The following COL4A5 variants were observed in gnomAD, a reference collection of about 807,000 sequenced individuals.
COL4A5 encodes collagen type IV alpha 5 chain, also known as collagen alpha-5(IV) chain.
COL4A5 carries 26 observed loss-of-function variants against 130.2 expected under a neutral mutation model. That is an observed-to-expected ratio of 0.20 (90% CI 0.15 to 0.28). The LOEUF is 0.28. COL4A5 is among the 10% of genes least tolerant of loss of function. COL4A5 has a pLI of 1.00. For missense variants in COL4A5, 1,131 were observed against 1,344.3 expected (o/e 0.84, Z 2.48); for synonymous variants, 496 against 439.6 (o/e 1.13, Z -1.60).
intron 1 of COL4A5, among the ~76,000 whole-genome samples, chrX:108,509,183 A>G (rs1361398525): frequency 8.9e-6 from 1 of 112,407 alleles, no homozygotes; most frequent in Non-Finnish European, 1.9e-5. Context: ...ACAATGGTCT[A>G]ATATCCAGCA....
At chrX:108,537,006 TAAAAA>T in intron 1 of COL4A5, among the ~76,000 whole-genome samples, 1 of 111,490 alleles carries the variant, frequency 9.0e-6, no homozygotes, top group East Asian at 2.8e-4. Context: ...CCTAGTTACT[TAAAAA>T]AACAAAAAAC....
At chrX:108,540,720 G>A (rs1373705717) in intron 2 of COL4A5, among the ~76,000 whole-genome samples, 2 of 112,212 alleles carry the variant, frequency 1.8e-5, no homozygotes, top group Non-Finnish European at 3.8e-5. Flanking sequence ...GATTCCAGGA[G>A]TGAGCCACCA....
At chrX:108,540,871 A>G (rs754772513) in intron 2 of COL4A5, among the ~76,000 whole-genome samples, 3 of 112,632 alleles carry the variant, frequency 2.7e-5, no homozygotes, top group Non-Finnish European at 5.6e-5. Flanking sequence ...CATTAATATT[A>G]TCAAATATAA....
chrX:108,610,946 G>A (rs2066822885), intron 29 of COL4A5, among the ~76,000 whole-genome samples: 1 of 111,358 alleles, frequency 9.0e-6, no homozygotes, highest in South Asian at 3.8e-4. Flanking sequence ...TCTACTGTGA[G>A]AAAATCTAGG....
At chrX:108,557,204 T>A (rs1268168743) in intron 2 of COL4A5, among the ~76,000 whole-genome samples, 1 of 111,331 alleles carries the variant, frequency 9.0e-6, no homozygotes, top group Non-Finnish European at 1.9e-5. Flanking sequence ...AGATTTTTTT[T>A]CCTTTGTGCT....
Position 108,620,377 on chromosome X carries a change from TC to T in COL4A5, c.2630del (p.Pro877GlnfsTer24). ...IPGAPGPIGP[P>X]GSPGLPGKAG... is the part of the protein sequence containing the mutation. Reference sequence around the variant, plus strand: ...CCGGAGCACCTGGTCCTATAGGACCTCCAGGATCACCAGGGCTTCCAGGAAA... The same window carrying T: ...CCGGAGCACCTGGTCCTATAGGACCTCAGGATCACCAGGGCTTCCAGGAAA... On this transcript the variant is annotated frameshift_variant, in exon 31 of 53. Transcript: ENST00000328300. LOFTEE classifies it high-confidence loss of function. The T allele has an allele frequency of 8.3e-7, 1 of 1,209,424 alleles. No individual in the cohort carries two copies. The highest frequency in any genetic ancestry group is 1.1e-6 in the Non-Finnish European group (1 of 893,730).
chrX:108,658,375 A>G (rs1474727125), intron 37 of COL4A5, among the ~76,000 whole-genome samples: 3 of 110,906 alleles, frequency 2.7e-5, no homozygotes, highest in Non-Finnish European at 5.7e-5. Context: ...AAAATTATAC[A>G]TGGCCATGAG....
chrX:108,663,451 AT>A (rs767551253), intron 37 of COL4A5, among the ~76,000 whole-genome samples: 1 of 112,089 alleles, frequency 8.9e-6, no homozygotes, highest in South Asian at 3.7e-4. Flanking sequence ...TTTGGAAGCC[AT>A]TATCCTTAGT....
intron 2 of COL4A5, among the ~76,000 whole-genome samples, chrX:108,550,781 A>G (rs1419433947): frequency 1.8e-5 from 2 of 112,067 alleles, no homozygotes; most frequent in Non-Finnish European, 3.8e-5. Flanking sequence ...AAATGTTATG[A>G]CATATGCTAA....
At position 108,595,680 on chromosome X, in the gene COL4A5, GTTTCTCA is replaced by G. The variant is rs1035998696; in HGVS notation, c.1516+83_1516+89del. On this transcript the variant is annotated intron_variant, in intron 22 of 52. Coordinates refer to ENST00000328300, the MANE Select transcript of COL4A5 (RefSeq NM_033380.3). Reference sequence around the variant, plus strand: ...AGCTTATACTTTTAGAATGTTACCAGTTTCTCATTTTATAACTAGTCACTCATATCTA... The same window carrying G: ...AGCTTATACTTTTAGAATGTTACCAGTTTTATAACTAGTCACTCATATCTA... 6.0e-5 allele frequency: 51 copies of G among 844,591 alleles called. No individual in the cohort carries two copies. In the African/African-American group the frequency reaches 1.0e-3, roughly 17 times the overall value. 69.6% of individuals were successfully genotyped at this position (844,591 alleles called of 1,213,427 possible). A position where few individuals can be genotyped will look rare whatever the true frequency, so the allele number is the denominator to read the frequency against.
At chrX:108,550,239 C>T (rs1327114781) in intron 2 of COL4A5, among the ~76,000 whole-genome samples, 2 of 111,602 alleles carry the variant, frequency 1.8e-5, no homozygotes, top group Non-Finnish European at 3.8e-5. Flanking sequence ...CAGAAAACGA[C>T]AGACTAGTAT....
chrX:108,569,810 G>T (rs1430484781), intron 6 of COL4A5, among the ~76,000 whole-genome samples: 1 of 110,390 alleles, frequency 9.1e-6, no homozygotes, highest in Non-Finnish European at 1.9e-5. Flanking sequence ...CTCCTGAGCA[G>T]CTGGGATTAC....
At chrX:108,687,460 A>G (rs1239561742) in intron 48 of COL4A5, 22 bp from the exon 49 acceptor site, 1 of 1,174,461 alleles carries the variant, frequency 8.5e-7, no homozygotes, top group African/African-American at 1.8e-5. Context: ...AATCTTGTAT[A>G]CTGATTATTT....
At chrX:108,487,320 A>G (rs1218541024) in intron 1 of COL4A5, among the ~76,000 whole-genome samples, 4 of 104,578 alleles carry the variant, frequency 3.8e-5, no homozygotes, top group African/African-American at 1.4e-4. Flanking sequence ...AACCCGGGAG[A>G]TGGAGGTTGC....
chrX:108,655,695 G>A (rs750651173), intron 37 of COL4A5, among the ~76,000 whole-genome samples: 2 of 112,720 alleles, frequency 1.8e-5, no homozygotes, highest in East Asian at 5.6e-4. Flanking sequence ...AGACTGTTTG[G>A]TGGAGCATTT....
intron 26 of COL4A5, 68 bp from the exon 27 acceptor site, chrX:108,601,817 A>G: frequency 4.6e-6 from 3 of 650,801 alleles, no homozygotes; most frequent in Non-Finnish European, 7.4e-6. Context: ...AGAGTGAGCC[A>G]CTGCACCTGG....
rs1346176632 is a variant in COL4A5 at position 108,627,956 on chromosome X, A to G, written c.3246+1607A>G. 9.9e-5 allele frequency among the ~76,000 whole-genome samples: 11 copies of G among 110,930 alleles called. No individual in the cohort carries two copies. The Admixed American group carries it at 1.1e-3, about 11-fold the overall frequency. On this transcript the variant is annotated intron_variant, in intron 36 of 52. Transcript: ENST00000328300. ...TGTAAATATTTTTCCCCAATTATTGATACATGAAATGATGCTGGACCTTCC... is the reference window on the plus strand; with the variant it reads ...TGTAAATATTTTTCCCCAATTATTGGTACATGAAATGATGCTGGACCTTCC...
In COL4A5 at chrX:108,490,749, T is replaced by C. The variant is rs190433403; in HGVS notation, c.82-48997T>C. ...GTTTTACATATTATTACATCACCCA[T>C]GAATTAAGCTTAGTACCCAATAGTT... is the stretch of plus-strand genomic sequence containing the variant. On this transcript the variant is annotated intron_variant, in intron 1 of 52. Coordinates refer to ENST00000328300, the MANE Select transcript of COL4A5 (RefSeq NM_033380.3). Among the ~76,000 whole-genome samples, 19 of 111,139 alleles carry C rather than the reference T, an allele frequency of 1.7e-4. 1 individual carries two copies. The highest frequency in any genetic ancestry group is 1.4e-3 in the Admixed American group (15 of 10,436).
intron 1 of COL4A5, among the ~76,000 whole-genome samples, chrX:108,482,567 T>C (rs2064902805): frequency 1.8e-5 from 2 of 111,053 alleles, no homozygotes; most frequent in Admixed American, 1.9e-4. Context: ...TTTATCAGGG[T>C]CTCCCCACAC....
Sources: gnomAD v4.1 joint callset for allele counts (sites outside exome capture counted in the v4.1 genomes callset) on GRCh38, gnomAD v4.1.1 for gene constraint, MANE v1.5 for transcripts, NCBI Gene and HGNC (gene_info 2026-07-23, HGNC 2026-07-21) for gene names.